BCAS3: variants seen among roughly 807,000 people sequenced by gnomAD.
BCAS3 encodes the protein BCAS4/BCAS3 fusion.
BCAS3 carries 53 observed loss-of-function variants against 116.1 expected under a neutral mutation model. The ratio of observed to expected loss-of-function variants is 0.46; its 90% confidence interval spans 0.37 to 0.57. The LOEUF (loss-of-function observed/expected upper bound fraction) is 0.57, where lower values mean the gene tolerates loss of function less well. Among genes scored for constraint, BCAS3 ranks in the 20% least tolerant of loss-of-function variants. The probability of loss-of-function intolerance (pLI) is 0.00; values close to 1 mark genes in which losing one functional copy is unlikely to be tolerated. For synonymous variants in BCAS3, 391 were observed against 408.2 expected (o/e 0.96, Z 0.51); for missense variants, 917 against 1,165.4 (o/e 0.79, Z 3.10).
chr17:60,749,320 C>G (rs1241910177), intron 6 of BCAS3, among the ~76,000 whole-genome samples: 1 of 152,192 alleles, frequency 6.6e-6, no homozygotes, highest in Admixed American at 6.5e-5. Context: ...GTTGAAGAGT[C>G]TGAGGCCATT....
intron 16 of BCAS3, among the ~76,000 whole-genome samples, chr17:61,033,952 G>C (rs1200496412): frequency 6.6e-6 from 1 of 152,212 alleles, no homozygotes; most frequent in Non-Finnish European, 1.5e-5. Flanking sequence ...ATGAGCAACA[G>C]AAAAGATTTA....
At chr17:60,788,765 A>T (rs1175726597) in intron 6 of BCAS3, among the ~76,000 whole-genome samples, 3 of 152,118 alleles carry the variant, frequency 2.0e-5, no homozygotes, top group Non-Finnish European at 4.4e-5. Flanking sequence ...TGTTTAGATA[A>T]ATGAGAGTAT....
In BCAS3 at chr17:61,186,094, A is replaced by G. The variant is rs535525471; in HGVS notation, c.2425+101530A>G. 3.0e-4 allele frequency among the ~76,000 whole-genome samples: 45 copies of G among 152,284 alleles called. No homozygotes were observed. Among genetic ancestry groups the G allele is most frequent in the South Asian group, 6.2e-4 (3 of 4,828 alleles). On this transcript the variant is annotated intron_variant, in intron 22 of 23. Coordinates refer to ENST00000407086, the MANE Select transcript of BCAS3 (RefSeq NM_017679.5). This position sits in a 1 kb window ranked among gnomAD's most constrained non-coding sequence, Gnocchi z 4.9. ...TTTTTATTTTTTTGCCTAATAGCCA[A>G]TTGCTTTGAAAAATGTAGTCCATCT...
intron 2 of BCAS3, among the ~76,000 whole-genome samples, chr17:60,683,339 C>T (rs367546816): frequency 6.6e-6 from 1 of 152,166 alleles, no homozygotes; most frequent in East Asian, 1.9e-4. Flanking sequence ...GTCATCACTC[C>T]TCCAAATATG....
chr17:61,086,085 T>C (rs1472800373), intron 22 of BCAS3, among the ~76,000 whole-genome samples: 1 of 152,052 alleles, frequency 6.6e-6, no homozygotes, highest in Non-Finnish European at 1.5e-5. Context: ...TCCATATATA[T>C]ATATTTATTT....
At chr17:61,359,364 C>T (rs1212661650) in intron 22 of BCAS3, among the ~76,000 whole-genome samples, 1 of 151,934 alleles carries the variant, frequency 6.6e-6, no homozygotes, top group Non-Finnish European at 1.5e-5. Flanking sequence ...TGAATCTGGG[C>T]AGCCTCCATT....
chr17:61,017,707 A>C lies in BCAS3; in HGVS notation c.1637+1806A>C, dbSNP rs1166534511. Among the ~76,000 whole-genome samples, 1 of 152,178 alleles carries C rather than the reference A, an allele frequency of 6.6e-6. No homozygotes were observed. Among genetic ancestry groups the C allele is most frequent in the African/African-American group, 2.4e-5 (1 of 41,456 alleles). On this transcript the variant is annotated intron_variant, in intron 16 of 23. Transcript: ENST00000407086. The surrounding 1 kb of genome is among the most constrained non-coding windows in gnomAD (Gnocchi z 4.7). Reference sequence around the variant, plus strand: ...TAAAATGATATGATGTTAGAATTTAATTCATAATATTTATGGTGAGGGGTA... The same window carrying C: ...TAAAATGATATGATGTTAGAATTTACTTCATAATATTTATGGTGAGGGGTA...
chr17:61,127,592 T>A (rs1437436885), intron 22 of BCAS3, among the ~76,000 whole-genome samples: 1 of 151,086 alleles, frequency 6.6e-6, no homozygotes, highest in East Asian at 1.9e-4. Flanking sequence ...CAGTACAAGG[T>A]TTAGAACATT....
rs1234368933 is a variant in BCAS3, at chr17:61,105,123, A to T, written c.2425+20559A>T. On this transcript the variant is annotated intron_variant, in intron 22 of 23. Coordinates refer to ENST00000407086, the MANE Select transcript of BCAS3 (RefSeq NM_017679.5). The surrounding 1 kb of genome is among the most constrained non-coding windows in gnomAD (Gnocchi z 4.3). ...CCCTTTTTATGAGAATAAAAAGTGAATTGGGTGCTATTTAAATATTCTCTA... is the reference window on the plus strand; with the variant it reads ...CCCTTTTTATGAGAATAAAAAGTGATTTGGGTGCTATTTAAATATTCTCTA... 6.6e-6 allele frequency among the ~76,000 whole-genome samples: 1 copy of T among 152,190 alleles called. No individual in the cohort carries two copies. Among genetic ancestry groups the T allele is most frequent in the Non-Finnish European group, 1.5e-5 (1 of 68,032 alleles).
In BCAS3 at chr17:61,355,476, T is replaced by TC. The variant is rs1003043443; in HGVS notation, c.2426-12850dup. 1.1e-4 allele frequency among the ~76,000 whole-genome samples: 15 copies of TC among 136,774 alleles called. No homozygotes were observed. The highest frequency in any genetic ancestry group is 3.9e-4 in the African/African-American group (15 of 38,040). The allele number at this position is 136,774 out of a possible 152,430, so 89.7% of individuals were successfully genotyped here. On this transcript the variant is annotated intron_variant, in intron 22 of 23. Coordinates refer to ENST00000407086, the MANE Select transcript of BCAS3 (RefSeq NM_017679.5). This position sits in a 1 kb window ranked among gnomAD's most constrained non-coding sequence, Gnocchi z 4.2. ...CCTCGCTGGCACTCCAGCCATATTTTCAAAAAAAAAAATTCAGCATGGTAG... is the reference window on the plus strand; with the variant it reads ...CCTCGCTGGCACTCCAGCCATATTTTCCAAAAAAAAAAATTCAGCATGGTAG...
intron 14 of BCAS3, among the ~76,000 whole-genome samples, chr17:60,983,493 T>C (rs1461902427): frequency 6.6e-6 from 1 of 152,194 alleles, no homozygotes; most frequent in Non-Finnish European, 1.5e-5. Flanking sequence ...CTAGTATCTT[T>C]AGCAGTCCTT....
chr17:61,176,883 T>G (rs1037753651), intron 22 of BCAS3, among the ~76,000 whole-genome samples: 3 of 152,110 alleles, frequency 2.0e-5, no homozygotes, highest in African/African-American at 7.2e-5. Context: ...TTTTTAAAAA[T>G]GAGCAAATGA....
rs1381359225 is a variant in BCAS3 at position 61,278,614 on chromosome 17, C to T, written c.2426-89713C>T. Among the ~76,000 whole-genome samples, 1 of 152,106 alleles carries T rather than the reference C, an allele frequency of 6.6e-6. No individual in the cohort carries two copies. Among genetic ancestry groups the T allele is most frequent in the African/African-American group, 2.4e-5 (1 of 41,418 alleles). On this transcript the variant is annotated intron_variant, in intron 22 of 23. Transcript: ENST00000407086. The surrounding 1 kb of genome is among the most constrained non-coding windows in gnomAD (Gnocchi z 5.8). ...GTATTCCAACACATTCATGGATAAA[C>T]AAAATGTGGTGTGTTCCTACAGTGG...
rs2144363643 is a variant in BCAS3, at chr17:61,217,285, A to G, written c.2425+132721A>G. Among the ~76,000 whole-genome samples the G allele has an allele frequency of 6.6e-6, 1 of 152,296 alleles. No homozygotes were observed. The highest frequency in any genetic ancestry group is 6.5e-5 in the Admixed American group (1 of 15,306). The stretch of plus-strand genomic sequence containing the variant: ...GTGACAGAGCAAGACTCCATCTCAA[A>G]TAAATAAATAAACAAATAAAAATAA... On this transcript the variant is annotated intron_variant, in intron 22 of 23. Coordinates refer to ENST00000407086, the MANE Select transcript of BCAS3 (RefSeq NM_017679.5). This position sits in a 1 kb window ranked among gnomAD's most constrained non-coding sequence, Gnocchi z 5.2.
At position 60,995,588 on chromosome 17, in the gene BCAS3, G is replaced by A. The variant is rs1050093972; in HGVS notation, c.1486+5353G>A. On this transcript the variant is annotated intron_variant, in intron 15 of 23. Coordinates refer to ENST00000407086, the MANE Select transcript of BCAS3 (RefSeq NM_017679.5). This position sits in a 1 kb window ranked among gnomAD's most constrained non-coding sequence, Gnocchi z 4.7. ...GCTGGGATTACAAGCGTGAACCACC[G>A]CGCCCGACCAGTTTCTAAGGCTTTA... Among the ~76,000 whole-genome samples, 1 of 152,106 alleles carries A rather than the reference G, an allele frequency of 6.6e-6. No homozygotes were observed. The highest frequency in any genetic ancestry group is 1.5e-5 in the Non-Finnish European group (1 of 68,012).
At chr17:61,080,696 A>G (rs1424621071) in intron 21 of BCAS3, among the ~76,000 whole-genome samples, 2 of 152,092 alleles carry the variant, frequency 1.3e-5, no homozygotes, top group African/African-American at 4.8e-5. Context: ...GGAGGCGGAG[A>G]TTTCAGTGAG....
intron 7 of BCAS3, among the ~76,000 whole-genome samples, chr17:60,815,109 C>A (rs2049249687): frequency 6.6e-6 from 1 of 152,132 alleles, no homozygotes; most frequent in South Asian, 2.1e-4. Flanking sequence ...GAATACTATG[C>A]AGCCATAAAA....
chr17:60,733,976 A>C (rs1366802569), intron 5 of BCAS3, among the ~76,000 whole-genome samples: 2 of 152,164 alleles, frequency 1.3e-5, no homozygotes, highest in African/African-American at 2.4e-5. Context: ...TGCTCTTGAC[A>C]ATGTCTTTTG....
At chr17:60,739,280 G>T (rs2041289275) in intron 5 of BCAS3, among the ~76,000 whole-genome samples, 1 of 152,020 alleles carries the variant, frequency 6.6e-6, no homozygotes, top group Admixed American at 6.6e-5. Flanking sequence ...GTACATTATT[G>T]CTATTATTTT....
Sources: gnomAD v4.1 joint callset for allele counts (sites outside exome capture counted in the v4.1 genomes callset) on GRCh38, gnomAD v4.1.1 for gene constraint, Gnocchi (gnomAD v3.1) non-coding constraint, MANE v1.5 for transcripts, NCBI Gene and HGNC (gene_info 2026-07-23, HGNC 2026-07-21) for gene names.